PPARGC1B: variants seen among roughly 807,000 people sequenced by gnomAD.
The protein encoded by PPARGC1B is peroxisome proliferator-activated receptor gamma coactivator 1-beta.
A neutral mutation model predicts 101.6 loss-of-function variants in PPARGC1B; 34 were observed. The observed-to-expected ratio is 0.33, with a 90% confidence interval of 0.25 to 0.45. The LOEUF (loss-of-function observed/expected upper bound fraction) is 0.45. Among genes scored for constraint, PPARGC1B ranks in the 20% least tolerant of loss-of-function variants. The pLI is 1.00. For missense variants in PPARGC1B, 1,234 were observed against 1,317.6 expected (o/e 0.94, Z 0.98); for synonymous variants, 548 against 539.3 (o/e 1.02, Z -0.22).
intron 1 of PPARGC1B, among the ~76,000 whole-genome samples, chr5:149,819,893 A>G (rs1758211617): frequency 6.6e-6 from 1 of 152,224 alleles, no homozygotes. Context: ...TGTTCATCAT[A>G]TATGTTCCAT....
chr5:149,832,056 C>T lies in PPARGC1B; in HGVS notation c.583-600C>T, dbSNP rs923365451. ...TCGCGGTGGCTCACGCCTGTAATCC[C>T]AGCACTTTGGGAGGCTGAGGCGGGA... On this transcript the variant is annotated intron_variant, in intron 4 of 11. Coordinates refer to ENST00000309241, the MANE Select transcript of PPARGC1B (RefSeq NM_133263.4). The surrounding 1 kb of genome is among the most constrained non-coding windows in gnomAD (Gnocchi z 4.9). Among the ~76,000 whole-genome samples the T allele has an allele frequency of 7.2e-5, 11 of 152,292 alleles. No homozygotes were observed. The highest frequency in any genetic ancestry group is 2.6e-4 in the African/African-American group (11 of 41,564).
intron 1 of PPARGC1B, among the ~76,000 whole-genome samples, chr5:149,765,860 CAAAAAA>C (rs10712476): frequency 2.3e-5 from 2 of 88,808 alleles, no homozygotes; most frequent in Non-Finnish European, 4.5e-5. Flanking sequence ...GACTCCGTCT[CAAAAAA>C]AAAAAAAAAA....
chr5:149,742,067 C>G (rs933741573), intron 1 of PPARGC1B, among the ~76,000 whole-genome samples: 6 of 152,070 alleles, frequency 3.9e-5, no homozygotes, highest in African/African-American at 1.4e-4. Flanking sequence ...CTGCTATATC[C>G]CCTTCAAGAG....
At chr5:149,756,576 C>T (rs1460799842) in intron 1 of PPARGC1B, among the ~76,000 whole-genome samples, 1 of 152,210 alleles carries the variant, frequency 6.6e-6, no homozygotes, top group Non-Finnish European at 1.5e-5. Context: ...AAGCAGCATC[C>T]CTGGCCTCGG....
Position 149,836,896 on chromosome 5 carries a change from A to G in PPARGC1B, c.2441A>G (p.Glu814Gly). 1 of 1,588,208 alleles carries G rather than the reference A, an allele frequency of 6.3e-7. No individual in the cohort carries two copies. ...FLPEEEEEEGEEEEEDDEEED... is the reference protein window; with the variant it reads ...FLPEEEEEEGGEEEEDDEEED... Reference sequence around the variant, plus strand: ...CCAGAGGAGGAAGAGGAAGAAGGGGAGGAGGAGGAGGAGGACGATGAAGAA... The same window carrying G: ...CCAGAGGAGGAAGAGGAAGAAGGGGGGGAGGAGGAGGAGGACGATGAAGAA... Residue 814 changes from glutamate (E) to glycine (G), a missense_variant, in exon 8 of 12, where the codon GAG becomes GGG. Glu to Gly is a moderately conservative substitution (Grantham distance 98, BLOSUM62 -2). Coordinates refer to ENST00000309241, the MANE Select transcript of PPARGC1B (RefSeq NM_133263.4).
intron 3 of PPARGC1B, 97 bp downstream of exon 3, chr5:149,826,982 G>T: frequency 1.1e-6 from 1 of 948,840 alleles, no homozygotes; most frequent in Non-Finnish European, 1.6e-6. Flanking sequence ...CAGCCCCGCA[G>T]GGGACTCCGT....
intron 1 of PPARGC1B, among the ~76,000 whole-genome samples, chr5:149,776,869 G>A (rs1386968229): frequency 6.6e-6 from 1 of 152,238 alleles, no homozygotes; most frequent in African/African-American, 2.4e-5. Context: ...CAGCGGACAG[G>A]GAGAGGCTCT....
chr5:149,824,394 T>A (rs1395693791), intron 2 of PPARGC1B, among the ~76,000 whole-genome samples: 1 of 152,206 alleles, frequency 6.6e-6, no homozygotes, highest in Non-Finnish European at 1.5e-5. Flanking sequence ...TAAGTAAATC[T>A]GCCGTGGTGC....
At position 149,820,326 on chromosome 5, in the gene PPARGC1B, G is replaced by A. The variant is rs32589; in HGVS notation, c.79-107G>A. ...CATTTCTTGGTCATTTGGCAAAATC[G>A]GGCCTTGGCCACGGGTCCAGATTAG... On this transcript the variant is annotated intron_variant, in intron 1 of 11. Coordinates refer to ENST00000309241, the MANE Select transcript of PPARGC1B (RefSeq NM_133263.4). 0.14 allele frequency: 148,504 copies of A among 1,053,444 alleles called. 12,063 individuals are homozygous for A. The highest frequency in any genetic ancestry group is 0.25 in the African/African-American group (15,559 of 63,028). 65.3% of individuals were successfully genotyped at this position (1,053,444 alleles called of 1,614,324 possible). A position where few individuals can be genotyped will look rare whatever the true frequency, so the allele number is the denominator to read the frequency against.
At chr5:149,768,259 T>C (rs987994647) in intron 1 of PPARGC1B, among the ~76,000 whole-genome samples, 5 of 152,160 alleles carry the variant, frequency 3.3e-5, no homozygotes, top group African/African-American at 1.2e-4. Flanking sequence ...TGCAGCTTAA[T>C]TGGCACTTGC....
chr5:149,781,369 T>C (rs1415751199), intron 1 of PPARGC1B, among the ~76,000 whole-genome samples: 1 of 152,210 alleles, frequency 6.6e-6, no homozygotes, highest in Non-Finnish European at 1.5e-5. Flanking sequence ...GCTGCCATTC[T>C]GTGACCTGGG....
At position 149,833,429 on chromosome 5, in the gene PPARGC1B, C is replaced by CA. The variant is rs749755115; in HGVS notation, c.1357dup (p.Arg453LysfsTer33). ...AAAAAGAGGAGGAGGAGGAGTGGGG[C>CA]AGGAAAAGGCCAGGCCGAGGCCTGC... On this transcript the variant is annotated frameshift_variant, in exon 5 of 12. Coordinates refer to ENST00000309241, the MANE Select transcript of PPARGC1B (RefSeq NM_133263.4). LOFTEE classifies it high-confidence loss of function. The surrounding 1 kb of genome is among the most constrained non-coding windows in gnomAD (Gnocchi z 4.1). 6.3e-7 allele frequency: 1 copy of CA among 1,585,748 alleles called. No homozygotes were observed. The highest frequency in any genetic ancestry group is 8.6e-7 in the Non-Finnish European group (1 of 1,166,060).
At position 149,847,767 on chromosome 5, in the gene PPARGC1B, TG is replaced by T. The variant is rs1386989879; in HGVS notation, c.*210del. ...TGCTTCTGTCTGTGAGTTTCCATGG[TG>T]TTGACGTTCCACTGCCACATTAGTG... On this transcript the variant is annotated 3_prime_UTR_variant, in exon 12 of 12. Transcript: ENST00000309241. 1 of 559,948 alleles carries T rather than the reference TG, an allele frequency of 1.8e-6. No individual in the cohort carries two copies. The highest frequency in any genetic ancestry group is 4.6e-4 in the Middle Eastern group (1 of 2,164). The allele number at this position is 559,948 out of a possible 1,614,324, so 34.7% of individuals were successfully genotyped here.
At chr5:149,780,249 T>C (rs1756549633) in intron 1 of PPARGC1B, among the ~76,000 whole-genome samples, 1 of 152,218 alleles carries the variant, frequency 6.6e-6, no homozygotes, top group South Asian at 2.1e-4. Flanking sequence ...TGTGACCACC[T>C]GGCCCCAGGC....
At chr5:149,733,743 A>T (rs1754587562) in intron 1 of PPARGC1B, among the ~76,000 whole-genome samples, 1 of 151,994 alleles carries the variant, frequency 6.6e-6, no homozygotes, top group East Asian at 1.9e-4. Flanking sequence ...AAAATTTTAG[A>T]CCCCAAAGGC....
chr5:149,739,896 G>A (rs1246099717), intron 1 of PPARGC1B: 1 of 152,376 alleles, frequency 6.6e-6, no homozygotes, highest in African/African-American at 2.4e-5. Context: ...CAGAGAGGAG[G>A]GGCCTGGCCT....
At chr5:149,788,666 G>A (rs1190866004) in intron 1 of PPARGC1B, among the ~76,000 whole-genome samples, 2 of 152,124 alleles carry the variant, frequency 1.3e-5, no homozygotes, top group Admixed American at 1.3e-4. Context: ...GCATAGACTT[G>A]GAACCAACCC....
At chr5:149,834,799 G>A (rs367760532) in intron 6 of PPARGC1B, 89 bp downstream of exon 6, 7 of 1,197,982 alleles carry the variant, frequency 5.8e-6, no homozygotes, top group East Asian at 2.3e-5. Flanking sequence ...ATTCATCAGC[G>A]CCCACCCCTG....
chr5:149,763,988 G>A (rs1755815437), intron 1 of PPARGC1B, among the ~76,000 whole-genome samples: 1 of 151,970 alleles, frequency 6.6e-6, no homozygotes, highest in African/African-American at 2.4e-5. Context: ...CCACTCCTGG[G>A]GCTTTTCCCC....
Sources: gnomAD v4.1 joint callset for allele counts (sites outside exome capture counted in the v4.1 genomes callset) on GRCh38, gnomAD v4.1.1 for gene constraint, Gnocchi (gnomAD v3.1) non-coding constraint, MANE v1.5 for transcripts, NCBI Gene and HGNC (gene_info 2026-07-23, HGNC 2026-07-21) for gene names.